TTC27: variants seen among roughly 807,000 people sequenced by gnomAD.
TTC27 encodes the protein tetratricopeptide repeat protein 27.
Under a neutral mutation model 115.9 loss-of-function variants are expected in TTC27, and 79 were observed. The observed-to-expected ratio is 0.68, with a 90% CI of 0.57 to 0.82. TTC27 has a LOEUF of 0.82. Among genes scored for constraint, TTC27 ranks in the 40% least tolerant of loss-of-function variants. The pLI, the probability that TTC27 is intolerant of heterozygous loss-of-function variation, is 0.00. For synonymous variants in TTC27, 401 were observed against 356.0 expected, an observed-to-expected ratio of 1.13 and a Z score of -1.42; for missense variants, 1,054 against 993.1, an observed-to-expected ratio of 1.06 and a Z score of -0.82.
chr2:32,676,233 C>T (rs1009127700), intron 8 of TTC27, among the ~76,000 whole-genome samples: 1 of 151,890 alleles, frequency 6.6e-6, no homozygotes, highest in Non-Finnish European at 1.5e-5. Context: ...ACTTGCCCCA[C>T]CTCTCTTATA....
chr2:32,803,213 A>G lies in TTC27; in HGVS notation c.1999-7811A>G, dbSNP rs73924056. ...CTCTTTTCCAATGCCCATCTTCCTG[A>G]GTAGTTATCTAACCTCAGTGAGTGG... On this transcript the variant is annotated intron_variant, in intron 16 of 19. Transcript: ENST00000317907. Among the ~76,000 whole-genome samples, 173 of 152,288 alleles carry G rather than the reference A, an allele frequency of 1.1e-3. 1 individual carries two copies. The highest frequency in any genetic ancestry group is 4.1e-3 in the African/African-American group (170 of 41,568).
chr2:32,789,435 G>A (rs1670455533), intron 16 of TTC27, among the ~76,000 whole-genome samples: 2 of 152,182 alleles, frequency 1.3e-5, no homozygotes, highest in Admixed American at 6.5e-5. Context: ...ATCTGTAAAT[G>A]TGTAGGGAGA....
At chr2:32,790,087 G>T (rs971376121) in intron 16 of TTC27, among the ~76,000 whole-genome samples, 2 of 151,682 alleles carry the variant, frequency 1.3e-5, no homozygotes, top group African/African-American at 2.4e-5. Context: ...CAGATAACGT[G>T]ATTTAACTTT....
chr2:32,664,407 A>C lies in TTC27; in HGVS notation c.745A>C (p.Lys249Gln). ...YVFLYYYEYRKAKDQLDIAKD... is the reference protein window; with the variant it reads ...YVFLYYYEYRQAKDQLDIAKD... Reference sequence around the variant, plus strand: ...GTTTTTATATTATTATGAGTACAGAAAAGCAAAAGATCAGTTGGATATTGC... The same window carrying C: ...GTTTTTATATTATTATGAGTACAGACAAGCAAAAGATCAGTTGGATATTGC... The change falls in exon 6 of 20, where the codon AAA (lysine) becomes CAA (glutamine). Residue 249 changes from lysine to glutamine, a missense_variant. Transcript: ENST00000317907. 6.2e-7 allele frequency: 1 copy of C among 1,612,580 alleles called. No homozygotes were observed. The highest frequency in any genetic ancestry group is 1.1e-5 in the South Asian group (1 of 90,568).
chr2:32,646,559 T>TTC (rs1553543709), intron 4 of TTC27, among the ~76,000 whole-genome samples: 1 of 144,188 alleles, frequency 6.9e-6, no homozygotes, highest in Non-Finnish European at 1.5e-5. Context: ...TATATTTGGT[T>TTC]TTTTTTTTTT....
intron 10 of TTC27, among the ~76,000 whole-genome samples, chr2:32,720,596 A>G (rs1667892394): frequency 6.6e-6 from 1 of 152,078 alleles, no homozygotes; most frequent in African/African-American, 2.4e-5. Flanking sequence ...GGTTGGTTGT[A>G]TTTTTTTAAG....
intron 3 of TTC27, 108 bp downstream of exon 3, chr2:32,634,113 G>A: frequency 7.7e-7 from 1 of 1,301,650 alleles, no homozygotes; most frequent in East Asian, 2.6e-5. Context: ...TGACTTTATG[G>A]TTTGCACAAA....
At chr2:32,767,009 C>T (rs1669651665) in intron 13 of TTC27, among the ~76,000 whole-genome samples, 1 of 152,114 alleles carries the variant, frequency 6.6e-6, no homozygotes, top group Non-Finnish European at 1.5e-5. Flanking sequence ...TTGTTTTGAA[C>T]TCCTGGCCTC....
chr2:32,699,381 T>TG (rs751298776), intron 9 of TTC27, among the ~76,000 whole-genome samples: 6 of 152,186 alleles, frequency 3.9e-5, no homozygotes, highest in Non-Finnish European at 8.8e-5. Flanking sequence ...AACCCCCTAC[T>TG]GGGGGGCGTG....
chr2:32,779,945 T>C (rs1382096051), intron 14 of TTC27: 1 of 274,696 alleles, frequency 3.6e-6, no homozygotes, highest in Non-Finnish European at 8.4e-6. Context: ...CAAAAATCAG[T>C]TTACTGTAAA....
At chr2:32,772,676 C>G (rs867786131) in intron 13 of TTC27, among the ~76,000 whole-genome samples, 1 of 152,288 alleles carries the variant, frequency 6.6e-6, no homozygotes, top group African/African-American at 2.4e-5. Context: ...TTCAGCAGAT[C>G]AAGTGAATTT....
chr2:32,693,625 G>A (rs977034928), intron 9 of TTC27, among the ~76,000 whole-genome samples: 1 of 152,098 alleles, frequency 6.6e-6, no homozygotes, highest in African/African-American at 2.4e-5. Flanking sequence ...ATATTACTAG[G>A]TAATTTATAT....
At chr2:32,646,411 T>C (rs1664861765) in intron 4 of TTC27, among the ~76,000 whole-genome samples, 1 of 152,128 alleles carries the variant, frequency 6.6e-6, no homozygotes, top group Non-Finnish European at 1.5e-5. Flanking sequence ...TCAAGTGATC[T>C]TCCTACCTTG....
chr2:32,775,358 C>T (rs1056494611), intron 13 of TTC27, among the ~76,000 whole-genome samples: 7 of 152,036 alleles, frequency 4.6e-5, no homozygotes, highest in East Asian at 1.9e-4. Context: ...CCACCACGCC[C>T]GGCTAATTTT....
intron 12 of TTC27, among the ~76,000 whole-genome samples, chr2:32,751,606 A>C (rs1669021036): frequency 2.6e-5 from 4 of 152,106 alleles, no homozygotes; most frequent in Admixed American, 1.3e-4. Context: ...CCAACCACTC[A>C]TCGTGATGAT....
chr2:32,634,037 T>C (rs766696258), intron 3 of TTC27, 32 bp downstream of exon 3: 37 of 1,583,088 alleles, frequency 2.3e-5, no homozygotes, highest in Admixed American at 2.2e-4. Flanking sequence ...TATGTAATTA[T>C]TATTATGTTA....
At chr2:32,741,752 G>A in intron 12 of TTC27, among the ~76,000 whole-genome samples, 1 of 152,196 alleles carries the variant, frequency 6.6e-6, no homozygotes, top group Non-Finnish European at 1.5e-5. Flanking sequence ...CATATTTGCT[G>A]CATGAGTAAC....
At chr2:32,638,806 C>T (rs1044980136) in intron 3 of TTC27, among the ~76,000 whole-genome samples, 3 of 152,106 alleles carry the variant, frequency 2.0e-5, no homozygotes, top group African/African-American at 7.2e-5. Context: ...TTAATCCTTA[C>T]AAGAACCCTC....
At chr2:32,750,055 A>G (rs571957494) in intron 12 of TTC27, among the ~76,000 whole-genome samples, 1 of 152,362 alleles carries the variant, frequency 6.6e-6, no homozygotes, top group Admixed American at 6.5e-5. Flanking sequence ...GGAAGAGGGA[A>G]TCAGAAGATC....
Sources: gnomAD v4.1 joint callset for allele counts (sites outside exome capture counted in the v4.1 genomes callset) on GRCh38, gnomAD v4.1.1 for gene constraint, MANE v1.5 for transcripts, NCBI Gene and HGNC (gene_info 2026-07-23, HGNC 2026-07-21) for gene names.